GLRA1: variants seen among roughly 807,000 people sequenced by gnomAD.
The protein encoded by GLRA1 is glycine receptor subunit alpha-1.
Under a neutral mutation model 48.3 loss-of-function variants are expected in GLRA1, and 37 were observed. That is an observed-to-expected ratio of 0.77 (90% CI 0.59 to 1.01). The LOEUF is 1.01. GLRA1 is among the 50% of genes least tolerant of loss of function. GLRA1 has a pLI of 0.00. For synonymous variants in GLRA1, 196 were observed against 210.7 expected (o/e 0.93, Z 0.60); for missense variants, 427 against 571.0 (o/e 0.75, Z 2.57).
At position 151,913,793 on chromosome 5, in the gene GLRA1, C is replaced by T. The variant is rs975723307; in HGVS notation, c.56+10701G>A. Reference sequence around the variant, plus strand: ...GGGTGATCCTAGGAAAATGATTTAACCTCATCTGTACAATGAAATGAATAA... The same window carrying T: ...GGGTGATCCTAGGAAAATGATTTAATCTCATCTGTACAATGAAATGAATAA... On this transcript the variant is annotated intron_variant, in intron 1 of 8. Transcript: ENST00000274576. 1.1e-4 allele frequency among the ~76,000 whole-genome samples: 17 copies of T among 152,178 alleles called. 2 individuals carry two copies. The highest frequency in any genetic ancestry group is 9.2e-4 in the Admixed American group (14 of 15,280).
rs568496712 is a variant in GLRA1 at position 151,881,024 on chromosome 5, C to T, written c.252+5697G>A. Among the ~76,000 whole-genome samples the T allele has an allele frequency of 2.1e-4, 32 of 152,328 alleles. 1 individual carries two copies. The South Asian group carries it at 6.0e-3, about 29-fold the overall frequency. The stretch of plus-strand genomic sequence containing the variant: ...AGAAATACACATACTTATATCCATA[C>T]CTATAGATCATACACATTTCTCTTT... On this transcript the variant is annotated intron_variant, in intron 3 of 8. Coordinates refer to ENST00000274576, the MANE Select transcript of GLRA1 (RefSeq NM_000171.4).
chr5:151,886,061 G>C (rs1753897367), intron 3 of GLRA1, among the ~76,000 whole-genome samples: 1 of 151,826 alleles, frequency 6.6e-6, no homozygotes, highest in Non-Finnish European at 1.5e-5. Context: ...TGATTTTTCT[G>C]TTGAAAAAAC....
At chr5:151,864,388 A>G (rs1249718616) in intron 3 of GLRA1, among the ~76,000 whole-genome samples, 1 of 152,210 alleles carries the variant, frequency 6.6e-6, no homozygotes, top group African/African-American at 2.4e-5. Context: ...TCCTCACAAA[A>G]TCCCTGCAAG....
chr5:151,828,720 G>A (rs1262935592), intron 8 of GLRA1, among the ~76,000 whole-genome samples: 2 of 152,214 alleles, frequency 1.3e-5, no homozygotes, highest in Non-Finnish European at 2.9e-5. Context: ...AGGATTCGAA[G>A]AGTGACTGCC....
intron 8 of GLRA1, among the ~76,000 whole-genome samples, 164 bp downstream of exon 8, chr5:151,828,757 T>C (rs1298056930): frequency 6.6e-6 from 1 of 152,206 alleles, no homozygotes; most frequent in Non-Finnish European, 1.5e-5. Context: ...GCATTATTTA[T>C]GGGAGGGAAA....
At chr5:151,851,678 C>T (rs1336150208) in intron 6 of GLRA1, 74 bp from the exon 7 acceptor site, 18 of 959,820 alleles carry the variant, frequency 1.9e-5, no homozygotes, top group East Asian at 1.4e-4. Context: ...AGAACAACCT[C>T]GGCTAGAGTC....
At chr5:151,829,259 T>C (rs1414692377) in intron 7 of GLRA1, among the ~76,000 whole-genome samples, 192 bp from the exon 8 acceptor site, 1 of 152,108 alleles carries the variant, frequency 6.6e-6, no homozygotes, top group Non-Finnish European at 1.5e-5. Context: ...GGAAAGAATA[T>C]TGGGGGTAAA....
intron 1 of GLRA1, among the ~76,000 whole-genome samples, chr5:151,921,159 A>T (rs2113466964): frequency 6.6e-6 from 1 of 152,242 alleles, no homozygotes; most frequent in South Asian, 2.1e-4. Flanking sequence ...TGGGAAAACC[A>T]CCCAGGGATT....
chr5:151,899,330 A>G (rs542893194), intron 1 of GLRA1, among the ~76,000 whole-genome samples: 1 of 152,276 alleles, frequency 6.6e-6, no homozygotes, highest in Non-Finnish European at 1.5e-5. Context: ...GAGTTTTATT[A>G]ATTGTAGCCT....
chr5:151,892,083 C>T (rs987646418), intron 2 of GLRA1, among the ~76,000 whole-genome samples: 1 of 152,134 alleles, frequency 6.6e-6, no homozygotes, highest in African/African-American at 2.4e-5. Flanking sequence ...TTTTAATTCA[C>T]TTTTGGACTC....
intron 1 of GLRA1, among the ~76,000 whole-genome samples, chr5:151,906,260 C>T (rs1370989770): frequency 1.3e-5 from 2 of 152,238 alleles, no homozygotes; most frequent in Non-Finnish European, 1.5e-5. Context: ...GCAATTATTA[C>T]AAATAAAAAT....
At chr5:151,898,708 G>T (rs1452762301) in intron 1 of GLRA1, among the ~76,000 whole-genome samples, 2 of 152,128 alleles carry the variant, frequency 1.3e-5, no homozygotes, top group Non-Finnish European at 2.9e-5. Context: ...GGAACTTGGA[G>T]GTGCAGATTG....
chr5:151,844,947 C>A (rs1304986307), intron 7 of GLRA1, among the ~76,000 whole-genome samples: 1 of 152,084 alleles, frequency 6.6e-6, no homozygotes, highest in Non-Finnish European at 1.5e-5. Flanking sequence ...CCATCATGTG[C>A]AGAGATCACA....
At chr5:151,904,679 T>C (rs544990074) in intron 1 of GLRA1, among the ~76,000 whole-genome samples, 3 of 152,230 alleles carry the variant, frequency 2.0e-5, no homozygotes, top group Non-Finnish European at 4.4e-5. Flanking sequence ...TTACTTATTC[T>C]GTCTAAATCT....
chr5:151,856,266 T>C, intron 5 of GLRA1, 35 bp downstream of exon 5: 1 of 1,430,184 alleles, frequency 7.0e-7, no homozygotes, highest in Non-Finnish European at 9.9e-7. Context: ...AAAAGGAGCC[T>C]GGTTCTTTCT....
chr5:151,830,425 T>C (rs950042028), intron 7 of GLRA1, among the ~76,000 whole-genome samples: 3 of 152,200 alleles, frequency 2.0e-5, no homozygotes, highest in African/African-American at 7.2e-5. Context: ...GAGTTGTTTA[T>C]AGGGGGCTTT....
intron 3 of GLRA1, among the ~76,000 whole-genome samples, chr5:151,865,554 G>A (rs149616462): frequency 1.5e-3 from 223 of 152,224 alleles, no homozygotes; most frequent in African/African-American, 4.9e-3. Flanking sequence ...AATGTGGAGC[G>A]TTTGAAGAAT....
At chr5:151,900,029 G>C (rs1754324911) in intron 1 of GLRA1, among the ~76,000 whole-genome samples, 3 of 152,192 alleles carry the variant, frequency 2.0e-5, no homozygotes. Context: ...CCCTAAGGAA[G>C]TCTGGTCCTC....
In GLRA1 at chr5:151,923,047, C is replaced by T. The variant is rs140026297; in HGVS notation, c.56+1447G>A. ...CCCATAAAGTAGCCACATTTTGATACGTTTCATAAGGCCCTGGATTGTTGT... is the reference window on the plus strand; with the variant it reads ...CCCATAAAGTAGCCACATTTTGATATGTTTCATAAGGCCCTGGATTGTTGT... On this transcript the variant is annotated intron_variant, in intron 1 of 8. Coordinates refer to ENST00000274576, the MANE Select transcript of GLRA1 (RefSeq NM_000171.4). 6.7e-4 allele frequency among the ~76,000 whole-genome samples: 102 copies of T among 152,204 alleles called. No individual in the cohort carries two copies. The East Asian group carries it at 0.017, about 26-fold the overall frequency.
Sources: gnomAD v4.1 joint callset for allele counts (sites outside exome capture counted in the v4.1 genomes callset) on GRCh38, gnomAD v4.1.1 for gene constraint, MANE v1.5 for transcripts, NCBI Gene and HGNC (gene_info 2026-07-23, HGNC 2026-07-21) for gene names.